AKAP13: variants seen among roughly 807,000 people sequenced by gnomAD.
AKAP13 encodes the protein A-kinase anchor protein 13.
In AKAP13, 80 loss-of-function variants were observed where a neutral mutation model predicts 264.5. The observed-to-expected ratio is 0.30, with a 90% confidence interval of 0.25 to 0.36. The LOEUF (loss-of-function observed/expected upper bound fraction) is 0.36. AKAP13 is among the 10% of genes least tolerant of loss of function. The pLI is 1.00. For synonymous variants in AKAP13, 1,380 were observed against 1,250.2 expected (o/e 1.10, Z -2.19); for missense variants, 3,712 against 3,435.2 (o/e 1.08, Z -2.01).
chr15:85,449,245 A>G (rs114669429), intron 1 of AKAP13, among the ~76,000 whole-genome samples: 250 of 152,266 alleles, frequency 1.6e-3, no homozygotes, highest in African/African-American at 5.5e-3. Context: ...GTTGGTATAT[A>G]GGAATGCTAG....
intron 1 of AKAP13, among the ~76,000 whole-genome samples, chr15:85,448,284 A>G (rs1352011878): frequency 1.3e-5 from 2 of 152,118 alleles, no homozygotes; most frequent in Non-Finnish European, 1.5e-5. Context: ...TGTCACATGC[A>G]TAGTTTGCAA....
chr15:85,689,827 G>GTTGGCT (rs2085174622), intron 16 of AKAP13: 1 of 152,222 alleles, frequency 6.6e-6, no homozygotes. Flanking sequence ...AACAAGGGTT[G>GTTGGCT]TTGGCTTTAG....
rs147029167 is a variant in AKAP13, at chr15:85,580,581, G to T, written c.2513G>T (p.Arg838Leu). Residue 838 changes from arginine to leucine, a missense_variant, in exon 7 of 37, where the codon CGG becomes CTG. Physicochemically the swap from Arg to Leu is moderately radical, Grantham distance 102. Coordinates refer to ENST00000394518, the MANE Select transcript of AKAP13 (RefSeq NM_007200.5). ...PDGNSNEPDT[R>L]PLEDRAVGLS... is the part of the protein sequence containing the mutation. ...GGAAATTCGAATGAGCCTGATACGC[G>T]GCCACTAGAAGACAGGGCAGTAGGC... 6.2e-7 allele frequency: 1 copy of T among 1,614,182 alleles called. No homozygotes were observed. The highest frequency in any genetic ancestry group is 8.5e-7 in the Non-Finnish European group (1 of 1,180,038).
chr15:85,552,351 A>C (rs1339402284), intron 5 of AKAP13, among the ~76,000 whole-genome samples: 1 of 152,204 alleles, frequency 6.6e-6, no homozygotes, highest in African/African-American at 2.4e-5. Flanking sequence ...TTCTAGAAGG[A>C]ATTTTGTGTT....
intron 8 of AKAP13, chr15:85,635,022 C>T (rs987297489): frequency 3.5e-5 from 14 of 397,662 alleles, no homozygotes; most frequent in Middle Eastern, 6.2e-4. Context: ...TGAATTAAAG[C>T]GCTTTAAAAA....
At chr15:85,390,242 T>C (rs1437128374) in intron 1 of AKAP13, among the ~76,000 whole-genome samples, 1 of 152,180 alleles carries the variant, frequency 6.6e-6, no homozygotes, top group African/African-American at 2.4e-5. Flanking sequence ...GAACAAACAA[T>C]TGCAGTCATG....
chr15:85,653,273 T>A (rs1567176577), intron 10 of AKAP13, among the ~76,000 whole-genome samples: 2 of 152,074 alleles, frequency 1.3e-5, no homozygotes, highest in Non-Finnish European at 2.9e-5. Context: ...TCTTACAGGG[T>A]TTTTTAAAAA....
intron 1 of AKAP13, among the ~76,000 whole-genome samples, chr15:85,408,989 T>G (rs1431941151): frequency 6.6e-6 from 1 of 151,778 alleles, no homozygotes. Flanking sequence ...CCAACACTTG[T>G]TATTTTCTGT....
At chr15:85,539,696 G>A (rs569946998) in intron 4 of AKAP13, among the ~76,000 whole-genome samples, 1 of 152,232 alleles carries the variant, frequency 6.6e-6, no homozygotes, top group East Asian at 1.9e-4. Context: ...GGTGTGTCCA[G>A]CATATAAGTA....
At chr15:85,387,043 G>A (rs537999658) in intron 1 of AKAP13, among the ~76,000 whole-genome samples, 11 of 151,668 alleles carry the variant, frequency 7.3e-5, no homozygotes, top group Admixed American at 2.0e-4. Flanking sequence ...TCTTTTTTAA[G>A]ATGAGGTCTC....
In AKAP13 at chr15:85,578,972, A is replaced by G. The variant is rs2079106511; in HGVS notation, c.904A>G (p.Met302Val). 4 of 1,613,974 alleles carry G rather than the reference A, an allele frequency of 2.5e-6. No homozygotes were observed. Among genetic ancestry groups the G allele is most frequent in the Non-Finnish European group, 3.4e-6 (4 of 1,180,022 alleles). ...KQMDSLMPLM[M>V]TAQDPSSAPE... ...GATGGACAGTCTTATGCCCTTAATG[A>G]TGACAGCACAGGATCCTTCCAGTGC... Residue 302 changes from methionine (M) to valine (V), a missense_variant, in exon 7 of 37, where the codon ATG (methionine) becomes GTG (valine). Physicochemically the swap from Met to Val is conservative, Grantham distance 21. This residue lies in a region of AKAP13 where 2,759 missense variants were observed against 2,411.7 expected (regional missense o/e 1.14). Coordinates refer to ENST00000394518, the MANE Select transcript of AKAP13 (RefSeq NM_007200.5).
intron 8 of AKAP13, among the ~76,000 whole-genome samples, chr15:85,615,934 G>A (rs1352064148): frequency 6.6e-6 from 1 of 152,216 alleles, no homozygotes; most frequent in East Asian, 1.9e-4. Context: ...TATCTCCCAA[G>A]TTGCTCAGTG....
At chr15:85,635,801 G>A (rs1300962531) in intron 8 of AKAP13, among the ~76,000 whole-genome samples, 17 of 151,998 alleles carry the variant, frequency 1.1e-4, no homozygotes, top group Admixed American at 9.8e-4. Flanking sequence ...GTATCCAGTC[G>A]TTATAGCATC....
At chr15:85,743,231 C>A (rs1041152152) in intron 35 of AKAP13, among the ~76,000 whole-genome samples, 6 of 152,226 alleles carry the variant, frequency 3.9e-5, no homozygotes, top group South Asian at 2.1e-4. Flanking sequence ...TTTTTTACAA[C>A]GCCGGCGTTT....
intron 1 of AKAP13, among the ~76,000 whole-genome samples, chr15:85,438,838 A>C (rs1300548268): frequency 6.6e-6 from 1 of 151,472 alleles, no homozygotes; most frequent in African/African-American, 2.4e-5. Context: ...TAAAGATTTA[A>C]ACGTTAGACC....
Position 85,578,950 on chromosome 15 carries a change from G to GGAC in AKAP13, c.883_885dup (p.Asp295dup), listed in dbSNP as rs2079106219. On this transcript the variant is annotated inframe_insertion, in exon 7 of 37. Transcript: ENST00000394518. ...CCTAGAAAACAAACCTCAAGCAGAT[G>GGAC]GACAGTCTTATGCCCTTAATGATGA... 6.2e-7 allele frequency: 1 copy of GGAC among 1,611,604 alleles called. No homozygotes were observed. The highest frequency in any genetic ancestry group is 8.5e-7 in the Non-Finnish European group (1 of 1,178,256).
At chr15:85,571,623 T>A (rs1180437649) in intron 5 of AKAP13, among the ~76,000 whole-genome samples, 1 of 152,256 alleles carries the variant, frequency 6.6e-6, no homozygotes, top group African/African-American at 2.4e-5. Context: ...CATTCCTGCT[T>A]TAATCTCTGT....
chr15:85,445,869 G>C (rs1242283312), intron 1 of AKAP13, among the ~76,000 whole-genome samples: 4 of 151,850 alleles, frequency 2.6e-5, no homozygotes, highest in African/African-American at 9.7e-5. Context: ...ACATTTTTAT[G>C]GGGTACATGT....
chr15:85,561,384 C>T (rs1286478344), intron 5 of AKAP13, among the ~76,000 whole-genome samples: 1 of 152,120 alleles, frequency 6.6e-6, no homozygotes, highest in Non-Finnish European at 1.5e-5. Flanking sequence ...TTTAAAAGCT[C>T]TCCAGGCAAT....
Sources: allele counts gnomAD v4.1 joint callset (sites outside exome capture counted in the v4.1 genomes callset), GRCh38; gene constraint gnomAD v4.1.1; regional missense constraint gnomAD v4.1.1; transcripts MANE v1.5; gene names NCBI Gene and HGNC (gene_info 2026-07-23, HGNC 2026-07-21).